Variants in ELP4 observed in about 807,000 individuals in gnomAD.
The protein encoded by ELP4 is elongator acetyltransferase complex subunit 4.
A neutral mutation model predicts 48.9 loss-of-function variants in ELP4; 51 were observed. The ratio of observed to expected loss-of-function variants is 1.04; its 90% confidence interval spans 0.83 to 1.32. The LOEUF is 1.32. ELP4 is among the 40% of genes most tolerant of loss of function. The pLI is 0.00. For synonymous variants in ELP4, 210 were observed against 189.2 expected (o/e 1.11, Z -0.90); for missense variants, 519 against 514.6 (o/e 1.01, Z -0.08).
At chr11:31,512,024 C>A (rs1194644149) in intron 1 of ELP4, 1 of 152,178 alleles carries the variant, frequency 6.6e-6, no homozygotes, top group Non-Finnish European at 1.5e-5. Context: ...TTGACTACAT[C>A]TTGAAAAATA....
chr11:31,735,835 C>G (rs1565132610), intron 9 of ELP4, among the ~76,000 whole-genome samples: 1 of 152,138 alleles, frequency 6.6e-6, no homozygotes. Context: ...AGGATAAAAA[C>G]AAATGGAAGA....
intron 3 of ELP4, among the ~76,000 whole-genome samples, chr11:31,576,896 G>A (rs113844846): frequency 1.4e-4 from 21 of 152,022 alleles, no homozygotes; most frequent in African/African-American, 4.8e-4. Flanking sequence ...AGAACCAAGA[G>A]CAAACACATT....
intron 9 of ELP4, among the ~76,000 whole-genome samples, chr11:31,721,572 G>C (rs1946959134): frequency 6.6e-6 from 1 of 151,824 alleles, no homozygotes; most frequent in Non-Finnish European, 1.5e-5. Flanking sequence ...TGACTGCTCA[G>C]CTGGAATCTG....
chr11:31,661,415 A>G, intron 9 of ELP4, among the ~76,000 whole-genome samples: 1 of 152,050 alleles, frequency 6.6e-6, no homozygotes, highest in East Asian at 1.9e-4. Flanking sequence ...TCCATTCTGC[A>G]CTGTTTTGTT....
chr11:31,557,520 A>C (rs890458244), intron 3 of ELP4, among the ~76,000 whole-genome samples: 2 of 152,006 alleles, frequency 1.3e-5, no homozygotes, highest in African/African-American at 4.8e-5. Context: ...CAAAAATTAG[A>C]AGTCTGAACA....
intron 4 of ELP4, 149 bp downstream of exon 4, chr11:31,595,050 C>A: frequency 3.2e-6 from 2 of 619,264 alleles, no homozygotes; most frequent in Non-Finnish European, 4.9e-6. Flanking sequence ...TGATCTATTT[C>A]TTACAAATAA....
At chr11:31,580,578 C>G (rs962822148) in intron 3 of ELP4, 2 of 152,690 alleles carry the variant, frequency 1.3e-5, no homozygotes. Context: ...CATACACACA[C>G]ACACATTCTC....
intron 9 of ELP4, among the ~76,000 whole-genome samples, chr11:31,714,278 T>G (rs1308752622): frequency 6.6e-6 from 1 of 152,210 alleles, no homozygotes; most frequent in Non-Finnish European, 1.5e-5. Flanking sequence ...ATTAAATTAT[T>G]TCCTTAGAAT....
At chr11:31,770,600 A>AT (rs1565148073) in intron 9 of ELP4, among the ~76,000 whole-genome samples, 2 of 151,596 alleles carry the variant, frequency 1.3e-5, no homozygotes, top group Non-Finnish European at 2.9e-5. Flanking sequence ...AAAGTAAAAG[A>AT]TACTGCTTTC....
intron 2 of ELP4, among the ~76,000 whole-genome samples, chr11:31,521,726 G>C (rs759099794): frequency 4.6e-5 from 7 of 152,028 alleles, no homozygotes; most frequent in Non-Finnish European, 1.0e-4. Flanking sequence ...CAGTCAAAAA[G>C]TTTTGTCTTT....
rs1467574042 is a variant in ELP4, at chr11:31,656,880, A to C, written c.1143+6659A>C. On this transcript the variant is annotated intron_variant, in intron 9 of 9. Coordinates refer to ENST00000640961, the MANE Select transcript of ELP4 (RefSeq NM_019040.5). ...TTGCAGTACTTCGAAGATTTTCTTC[A>C]AGACTTTGTAGAACTGCTGTAGCGG... Among the ~76,000 whole-genome samples, 3 of 152,084 alleles carry C rather than the reference A, an allele frequency of 2.0e-5. No homozygotes were observed. The East Asian group carries it at 5.8e-4, about 29-fold the overall frequency.
At chr11:31,717,920 C>T (rs764343350) in intron 9 of ELP4, among the ~76,000 whole-genome samples, 40 of 151,796 alleles carry the variant, frequency 2.6e-4, no homozygotes, top group African/African-American at 9.4e-4. Context: ...TTTTGATAAC[C>T]GCATCCATAG....
chr11:31,626,782 T>A (rs1565085870), intron 5 of ELP4, among the ~76,000 whole-genome samples: 1 of 151,878 alleles, frequency 6.6e-6, no homozygotes, highest in Non-Finnish European at 1.5e-5. Context: ...CCTGAAAATC[T>A]ATAGTGGCTT....
At chr11:31,640,410 T>A (rs1471405794) in intron 7 of ELP4, among the ~76,000 whole-genome samples, 1 of 151,984 alleles carries the variant, frequency 6.6e-6, no homozygotes, top group Admixed American at 6.6e-5. Flanking sequence ...ATGATACTTA[T>A]TTTTTAATGT....
In ELP4 at chr11:31,522,397, C is replaced by T. The variant is rs1414329904; in HGVS notation, c.259+2306C>T. Among the ~76,000 whole-genome samples the T allele has an allele frequency of 3.9e-5, 6 of 152,138 alleles. No homozygotes were observed. The East Asian group carries it at 1.2e-3, about 29-fold the overall frequency. On this transcript the variant is annotated intron_variant, in intron 2 of 9. Transcript: ENST00000640961. Reference sequence around the variant, plus strand: ...CAAATATTGCCATGTAAGTAATATACATGGGAACATTTCACACCTTGCTTT... The same window carrying T: ...CAAATATTGCCATGTAAGTAATATATATGGGAACATTTCACACCTTGCTTT...
chr11:31,604,764 C>T (rs570619503), intron 5 of ELP4, among the ~76,000 whole-genome samples: 19 of 151,982 alleles, frequency 1.3e-4, no homozygotes, highest in African/African-American at 4.6e-4. Flanking sequence ...GACTACTGTA[C>T]TCATGCTTAT....
At chr11:31,782,637 G>A (rs1466351416) in intron 9 of ELP4, among the ~76,000 whole-genome samples, 1 of 152,164 alleles carries the variant, frequency 6.6e-6, no homozygotes, top group Non-Finnish European at 1.5e-5. Flanking sequence ...GTCAGTTGCT[G>A]GGGTCAGTTT....
intron 9 of ELP4, among the ~76,000 whole-genome samples, chr11:31,697,271 TCG>T (rs1268915813): frequency 2.6e-5 from 4 of 152,206 alleles, no homozygotes; most frequent in Non-Finnish European, 1.5e-5. Context: ...CTCTAAGTCT[TCG>T]TTTCCATTTC....
intron 9 of ELP4, among the ~76,000 whole-genome samples, chr11:31,762,307 C>T (rs1380896585): frequency 2.0e-5 from 3 of 152,138 alleles, no homozygotes; most frequent in Non-Finnish European, 4.4e-5. Flanking sequence ...ACCTTCTTGT[C>T]TTCACAACAA....
Sources: gnomAD v4.1 joint callset for allele counts (sites outside exome capture counted in the v4.1 genomes callset) on GRCh38, gnomAD v4.1.1 for gene constraint, MANE v1.5 for transcripts, NCBI Gene and HGNC (gene_info 2026-07-23, HGNC 2026-07-21) for gene names.